The following ADARB2 variants were observed in gnomAD, a reference collection of about 807,000 sequenced individuals.
ADARB2 encodes the protein inactive double-stranded RNA-specific editase B2.
In ADARB2, 25 loss-of-function variants were observed where a neutral mutation model predicts 62.2. The ratio of observed to expected loss-of-function variants is 0.40; its 90% CI spans 0.29 to 0.56. ADARB2 has a LOEUF of 0.56. ADARB2 is among the 20% of genes least tolerant of loss of function. The pLI, the probability that ADARB2 is intolerant of heterozygous loss-of-function variation, is 0.43. For synonymous variants in ADARB2, 572 were observed against 500.8 expected, an observed-to-expected ratio of 1.14 and a Z score of -1.90; for missense variants, 1,071 against 1,077.4, an observed-to-expected ratio of 0.99 and a Z score of 0.08.
At chr10:1,472,663 G>T (rs532308439) in intron 1 of ADARB2, among the ~76,000 whole-genome samples, 2 of 152,318 alleles carry the variant, frequency 1.3e-5, no homozygotes, top group East Asian at 3.9e-4. Context: ...AAATCGGTCC[G>T]GCACAACCTC....
At chr10:1,686,216 G>C (rs1461174941) in intron 1 of ADARB2, among the ~76,000 whole-genome samples, 1 of 152,182 alleles carries the variant, frequency 6.6e-6, no homozygotes, top group African/African-American at 2.4e-5. Context: ...CTGATAGCTG[G>C]GCCATCGATC....
intron 8 of ADARB2, chr10:1,199,612 T>C (rs1014489171): frequency 1.8e-5 from 4 of 224,132 alleles, no homozygotes; most frequent in Non-Finnish European, 1.7e-5. Context: ...CATCGCCTCC[T>C]GTGGGCGGCC....
chr10:1,638,684 G>C (rs1025733066), intron 1 of ADARB2, among the ~76,000 whole-genome samples: 9 of 152,202 alleles, frequency 5.9e-5, no homozygotes, highest in Admixed American at 3.3e-4. Flanking sequence ...TGAGTAGAAT[G>C]AGATTTAGGA....
intron 3 of ADARB2, among the ~76,000 whole-genome samples, chr10:1,310,323 C>G (rs940518750): frequency 3.3e-5 from 5 of 152,192 alleles, no homozygotes; most frequent in South Asian, 2.1e-4. Context: ...GGCACTGAGG[C>G]TCAGCACTCC....
chr10:1,549,585 C>A (rs1462586322), intron 1 of ADARB2, among the ~76,000 whole-genome samples: 2 of 151,914 alleles, frequency 1.3e-5, no homozygotes, highest in African/African-American at 4.8e-5. Context: ...CACGCATGGT[C>A]AAACAGTTTA....
intron 1 of ADARB2, among the ~76,000 whole-genome samples, chr10:1,637,781 G>A (rs1176243251): frequency 2.0e-5 from 3 of 152,182 alleles, no homozygotes; most frequent in African/African-American, 4.8e-5. Flanking sequence ...ATGTGTCTGC[G>A]TGGCTCCTGT....
chr10:1,327,629 GGCACAGCGCCTCCTCACT>G (rs1831881564), intron 3 of ADARB2, among the ~76,000 whole-genome samples: 1 of 47,118 alleles, frequency 2.1e-5, no homozygotes, highest in African/African-American at 9.6e-5. Flanking sequence ...GCCTCCCCAC[GGCACAGCGCCTCCTCACT>G]GCCCAGCGCC....
chr10:1,358,646 G>GATAAA (rs1417582404), intron 3 of ADARB2, among the ~76,000 whole-genome samples: 1 of 83,108 alleles, frequency 1.2e-5, no homozygotes, highest in Non-Finnish European at 3.1e-5. Context: ...TTTTTTTTCA[G>GATAAA]CAAAACAAAG....
intron 1 of ADARB2, among the ~76,000 whole-genome samples, chr10:1,568,800 C>CTCTCTCTA (rs1554772447): frequency 6.7e-6 from 1 of 148,454 alleles, no homozygotes; most frequent in Non-Finnish European, 1.5e-5. Flanking sequence ...ATGTCTCTAT[C>CTCTCTCTA]TCTATCTATC....
intron 1 of ADARB2, among the ~76,000 whole-genome samples, chr10:1,623,675 G>T (rs541919085): frequency 3.4e-4 from 52 of 152,318 alleles, no homozygotes; most frequent in Middle Eastern, 3.4e-3. Flanking sequence ...CACACGCATG[G>T]ATTCCCTGCC....
intron 1 of ADARB2, among the ~76,000 whole-genome samples, chr10:1,540,286 C>T (rs939333937): frequency 6.6e-6 from 1 of 151,980 alleles, no homozygotes; most frequent in Non-Finnish European, 1.5e-5. Context: ...CGGTGGCCAA[C>T]GTGGTCAGGA....
chr10:1,596,729 C>T (rs757422768), intron 1 of ADARB2, among the ~76,000 whole-genome samples: 4 of 152,198 alleles, frequency 2.6e-5, no homozygotes, highest in Admixed American at 6.5e-5. Context: ...AGAGCACAAC[C>T]GGACAGAAGC....
chr10:1,692,031 C>T (rs1834679812), intron 1 of ADARB2, among the ~76,000 whole-genome samples: 1 of 152,230 alleles, frequency 6.6e-6, no homozygotes, highest in Non-Finnish European at 1.5e-5. Flanking sequence ...ATGCACAGCA[C>T]AGTGCCTGGC....
At chr10:1,316,338 A>AGGCTCGCCTCACCC (rs1241446744) in intron 3 of ADARB2, among the ~76,000 whole-genome samples, 1 of 152,202 alleles carries the variant, frequency 6.6e-6, no homozygotes, top group East Asian at 1.9e-4. Flanking sequence ...CCCTGAGTCC[A>AGGCTCGCCTCACCC]GGCTCGCCTC....
At chr10:1,452,899 T>C (rs1052821434) in intron 1 of ADARB2, among the ~76,000 whole-genome samples, 1 of 152,206 alleles carries the variant, frequency 6.6e-6, no homozygotes, top group Non-Finnish European at 1.5e-5. Flanking sequence ...GCAGTGGCTC[T>C]CCACATCAGT....
At chr10:1,476,654 C>T (rs1588271655) in intron 1 of ADARB2, among the ~76,000 whole-genome samples, 2 of 152,146 alleles carry the variant, frequency 1.3e-5, no homozygotes, top group African/African-American at 2.4e-5. Flanking sequence ...TCCATCTGAC[C>T]GCCGTTTCCA....
At chr10:1,378,649 G>T (rs111266680) in intron 2 of ADARB2, among the ~76,000 whole-genome samples, 10 of 152,020 alleles carry the variant, frequency 6.6e-5, no homozygotes, top group South Asian at 6.2e-4. Context: ...GGATGAGACT[G>T]CAGGTGTGGG....
chr10:1,630,518 C>T (rs1264258121), intron 1 of ADARB2, among the ~76,000 whole-genome samples: 1 of 152,162 alleles, frequency 6.6e-6, no homozygotes, highest in Non-Finnish European at 1.5e-5. Flanking sequence ...TCTACCCTCG[C>T]TCAGCTCTTG....
At chr10:1,534,146 T>C (rs1832291418) in intron 1 of ADARB2, among the ~76,000 whole-genome samples, 1 of 151,276 alleles carries the variant, frequency 6.6e-6, no homozygotes. Flanking sequence ...AGTTTTTTTT[T>C]TTTTTTTTGA....
Sources: gnomAD v4.1 joint callset for allele counts (sites outside exome capture counted in the v4.1 genomes callset) on GRCh38, gnomAD v4.1.1 for gene constraint, MANE v1.5 for transcripts, NCBI Gene and HGNC (gene_info 2026-07-23, HGNC 2026-07-21) for gene names.